The following TMPRSS11F variants were observed in gnomAD, a reference collection of about 807,000 sequenced individuals.
The protein encoded by TMPRSS11F is transmembrane protease serine 11F.
TMPRSS11F carries 47 observed loss-of-function variants against 60.2 expected under a neutral mutation model. That is an observed-to-expected ratio of 0.78 (90% CI 0.62 to 1.00). The LOEUF is 1.00. TMPRSS11F is among the 50% of genes least tolerant of loss of function. The pLI is 0.00. For missense variants in TMPRSS11F, 519 were observed against 522.9 expected (o/e 0.99, Z 0.07); for synonymous variants, 166 against 167.3 (o/e 0.99, Z 0.06).
chr4:68,082,437 G>A (rs995304358), intron 3 of TMPRSS11F, among the ~76,000 whole-genome samples: 1 of 152,166 alleles, frequency 6.6e-6, no homozygotes, highest in South Asian at 2.1e-4. Context: ...GACCTCTGCT[G>A]ACCGCAGGGC....
chr4:68,129,773 C>T, intron 1 of TMPRSS11F, 37 bp downstream of exon 1: 1 of 1,607,124 alleles, frequency 6.2e-7, no homozygotes, highest in Non-Finnish European at 8.5e-7. Context: ...CCTCTGTCCC[C>T]ACTGATAACC....
chr4:68,115,229 C>T (rs1477860290), intron 1 of TMPRSS11F, among the ~76,000 whole-genome samples: 12 of 150,904 alleles, frequency 8.0e-5, no homozygotes, highest in South Asian at 2.1e-4. Context: ...TGATGGCGGG[C>T]GCCTGTAGTC....
chr4:68,100,373 G>C (rs1724168208), intron 1 of TMPRSS11F, among the ~76,000 whole-genome samples: 2 of 152,134 alleles, frequency 1.3e-5, no homozygotes, highest in Admixed American at 1.3e-4. Context: ...ACACAGATGT[G>C]AATGAGGATG....
intron 1 of TMPRSS11F, among the ~76,000 whole-genome samples, chr4:68,121,897 T>C (rs541271825): frequency 6.6e-6 from 1 of 152,230 alleles, no homozygotes; most frequent in South Asian, 2.1e-4. Context: ...GTGCTGCATA[T>C]GAAGACCTTT....
intron 1 of TMPRSS11F, among the ~76,000 whole-genome samples, chr4:68,104,709 A>C (rs1724265429): frequency 1.3e-5 from 2 of 152,106 alleles, no homozygotes; most frequent in African/African-American, 4.8e-5. Context: ...AACTGTTGAG[A>C]ATTTTTATCA....
chr4:68,104,015 G>A (rs988893069), intron 1 of TMPRSS11F, among the ~76,000 whole-genome samples: 6 of 152,152 alleles, frequency 3.9e-5, no homozygotes, highest in Non-Finnish European at 7.4e-5. Context: ...ACCCCGCAAC[G>A]TTATAAAATT....
At chr4:68,122,145 A>T (rs1299341089) in intron 1 of TMPRSS11F, among the ~76,000 whole-genome samples, 1 of 152,218 alleles carries the variant, frequency 6.6e-6, no homozygotes, top group African/African-American at 2.4e-5. Flanking sequence ...ATAGTATAGG[A>T]TAACATAGAA....
chr4:68,083,834 T>C (rs957206840), intron 3 of TMPRSS11F, among the ~76,000 whole-genome samples: 2 of 152,016 alleles, frequency 1.3e-5, no homozygotes, highest in Non-Finnish European at 2.9e-5. Flanking sequence ...TTAACCAGAC[T>C]GAAAAGACTG....
intron 2 of TMPRSS11F, among the ~76,000 whole-genome samples, chr4:68,095,465 G>A (rs1309938863): frequency 6.6e-6 from 1 of 152,012 alleles, no homozygotes; most frequent in African/African-American, 2.4e-5. Flanking sequence ...AAGATTATGA[G>A]GATAATGCTA....
intron 1 of TMPRSS11F, among the ~76,000 whole-genome samples, chr4:68,124,743 G>C (rs757277798): frequency 1.4e-4 from 21 of 150,054 alleles, no homozygotes; most frequent in Non-Finnish European, 2.4e-4. Flanking sequence ...GCACCTTGTA[G>C]ATCAAACGAT....
intron 1 of TMPRSS11F, among the ~76,000 whole-genome samples, chr4:68,106,603 G>T (rs972301006): frequency 2.6e-5 from 4 of 152,210 alleles, no homozygotes; most frequent in South Asian, 2.1e-4. Flanking sequence ...AACTGCGGGG[G>T]GAGGGGTTAC....
intron 3 of TMPRSS11F, chr4:68,077,199 T>C (rs1723603212): frequency 6.6e-6 from 1 of 152,296 alleles, no homozygotes; most frequent in African/African-American, 2.4e-5. Flanking sequence ...CAGCTGGATG[T>C]AGGAGCCCCA....
intron 1 of TMPRSS11F, among the ~76,000 whole-genome samples, chr4:68,116,825 T>C (rs1242008012): frequency 6.6e-6 from 1 of 152,162 alleles, no homozygotes; most frequent in African/African-American, 2.4e-5. Flanking sequence ...ATTTCACACC[T>C]TTCATAAAAA....
Position 68,064,880 on chromosome 4 carries a change from G to A in TMPRSS11F, c.820C>T (p.Arg274Ter), listed in dbSNP as rs775849038. The change falls in exon 8 of 10, where the codon CGA becomes TGA. Residue 274 changes from arginine to a stop codon, truncating the protein, a stop_gained. Coordinates refer to ENST00000356291, the MANE Select transcript of TMPRSS11F (RefSeq NM_207407.2). LOFTEE classifies it high-confidence loss of function. ...TGAAGAATAATTTTCCTCACATTTC[G>A]TTTCACTGCGGGTGGTGTTATAGTT... ...GATITPPAVK[R>*]NVRKIILHEN... 5.6e-6 allele frequency: 9 copies of A among 1,613,876 alleles called. No individual in the cohort carries two copies. The highest frequency in any genetic ancestry group is 4.4e-5 in the South Asian group (4 of 91,066).
chr4:68,075,552 G>T (rs1723565619), intron 3 of TMPRSS11F, among the ~76,000 whole-genome samples: 1 of 151,798 alleles, frequency 6.6e-6, no homozygotes, highest in South Asian at 2.1e-4. Context: ...AGCTTGTATG[G>T]CAATATCCTA....
rs750174037 is a variant in TMPRSS11F, at chr4:68,064,816, G to C, written c.884C>G (p.Ala295Gly). The change falls in exon 8 of 10, where the codon GCT (alanine) becomes GGT (glycine). Residue 295 changes from alanine (A) to glycine (G), a missense_variant. Coordinates refer to ENST00000356291, the MANE Select transcript of TMPRSS11F (RefSeq NM_207407.2). ...YHRETNENDI[A>G]LVQLSTGVEF... ...AACTCCAGTAGAGAGCTGAACCAAA[G>C]CAATGTCATTTTCATTTGTTTCTCT... 2 of 1,614,142 alleles carry C rather than the reference G, an allele frequency of 1.2e-6. No individual in the cohort carries two copies. Among genetic ancestry groups the C allele is most frequent in the Admixed American group, 3.3e-5 (2 of 60,022 alleles).
Position 68,059,412 on chromosome 4 carries a change from A to G in TMPRSS11F, c.1072T>C (p.Cys358Arg), listed in dbSNP as rs1302265855. 1 of 1,613,882 alleles carries G rather than the reference A, an allele frequency of 6.2e-7. No individual in the cohort carries two copies. The highest frequency in any genetic ancestry group is 8.5e-7 in the Non-Finnish European group (1 of 1,179,950). Residue 358 changes from cysteine to arginine, a missense_variant, in exon 9 of 10, where the codon TGT becomes CGT. Transcript: ENST00000356291. The part of the protein sequence containing the change: ...ARVETISTDV[C>R]NRKDVYDGLI... ...CCATCATACACATCCTTTCTGTTAC[A>G]CACATCAGTGCTTATGGTTTCCACT...
chr4:68,057,308 G>T lies in TMPRSS11F; in HGVS notation c.1158+2018C>A, dbSNP rs182750712. 2.0e-3 allele frequency among the ~76,000 whole-genome samples: 285 copies of T among 144,024 alleles called. 1 individual carries two copies. The highest frequency in any genetic ancestry group is 7.0e-3 in the African/African-American group (273 of 39,224). The allele number at this position is 144,024 out of a possible 152,430, so 94.5% of individuals were successfully genotyped here. ...AAAAAAAAAAAAAAAAAAAGGAGAA[G>T]AAGAATGAAATTAGACCCTTACCCT... On this transcript the variant is annotated intron_variant, in intron 9 of 9. Coordinates refer to ENST00000356291, the MANE Select transcript of TMPRSS11F (RefSeq NM_207407.2).
intron 8 of TMPRSS11F, among the ~76,000 whole-genome samples, chr4:68,060,791 C>T (rs1560391510): frequency 6.6e-6 from 1 of 151,544 alleles, no homozygotes; most frequent in African/African-American, 2.4e-5. Flanking sequence ...CATAGAGCTG[C>T]TTTTTTTAAA....
Sources: allele counts gnomAD v4.1 joint callset (sites outside exome capture counted in the v4.1 genomes callset), GRCh38; gene constraint gnomAD v4.1.1; transcripts MANE v1.5; gene names NCBI Gene and HGNC (gene_info 2026-07-23, HGNC 2026-07-21).